MARCO: variants seen among roughly 807,000 people sequenced by gnomAD.
MARCO encodes macrophage receptor with collagenous structure.
In MARCO, 72 loss-of-function variants were observed where a neutral mutation model predicts 70.0. That is an observed-to-expected ratio of 1.03 (90% CI 0.85 to 1.25). The LOEUF is 1.25. Ranked by LOEUF, MARCO falls within the 50% of genes most tolerant of loss-of-function variation. The pLI is 0.00. For missense variants in MARCO, 696 were observed against 659.3 expected, an observed-to-expected ratio of 1.06 and a Z score of -0.61; for synonymous variants, 273 against 243.1, an observed-to-expected ratio of 1.12 and a Z score of -1.14.
intron 12 of MARCO, among the ~76,000 whole-genome samples, chr2:118,986,660 GGAAGGAAGGAAGGA>G (rs1680503204): frequency 3.2e-5 from 1 of 31,078 alleles, no homozygotes; most frequent in South Asian, 1.8e-3. Context: ...AAAGAAGGAA[GGAAGGAAGGAAGGA>G]AAGAAAGAAA....
chr2:118,953,717 G>C (rs1395031930), intron 1 of MARCO, among the ~76,000 whole-genome samples: 1 of 152,204 alleles, frequency 6.6e-6, no homozygotes, highest in Non-Finnish European at 1.5e-5. Context: ...GAAGGACCCA[G>C]TAGACACCCC....
intron 1 of MARCO, among the ~76,000 whole-genome samples, chr2:118,957,332 A>C (rs758538552): frequency 2.0e-5 from 3 of 152,138 alleles, no homozygotes; most frequent in Admixed American, 2.0e-4. Context: ...GAAATACAAA[A>C]GATCATTCAA....
chr2:118,969,103 G>C, intron 1 of MARCO, 57 bp from the exon 2 acceptor site: 3 of 1,262,830 alleles, frequency 2.4e-6, no homozygotes, highest in South Asian at 2.4e-5. Flanking sequence ...GAGCAGGCAG[G>C]GACTTCCTGT....
intron 1 of MARCO, among the ~76,000 whole-genome samples, chr2:118,955,935 C>T (rs1184925414): frequency 1.3e-5 from 2 of 150,678 alleles, no homozygotes; most frequent in Non-Finnish European, 2.9e-5. Context: ...GCCACCACAA[C>T]AAGAACTGCT....
chr2:118,955,273 G>A (rs1393599690), intron 1 of MARCO, among the ~76,000 whole-genome samples: 1 of 152,026 alleles, frequency 6.6e-6, no homozygotes, highest in Non-Finnish European at 1.5e-5. Flanking sequence ...AAAAATTCAG[G>A]AAACTTTGGA....
At chr2:118,982,550 G>A (rs1257510162) in intron 12 of MARCO, 140 bp downstream of exon 12, 2 of 805,026 alleles carry the variant, frequency 2.5e-6, no homozygotes, top group Middle Eastern at 2.7e-4. Flanking sequence ...GGTTATGGGG[G>A]CAGTTGCCCC....
rs1169436186 is a variant in MARCO at position 118,991,855 on chromosome 2, A to G, written c.1187A>G (p.Lys396Arg). Reference sequence around the variant, plus strand: ...GGAGCCCCTGGACAAGCTGGCCAGAAGGGAGACCAGGGAGTGAAAGGTAAG... The same window carrying G: ...GGAGCCCCTGGACAAGCTGGCCAGAGGGGAGACCAGGGAGTGAAAGGTAAG... ...PKGAPGQAGQ[K>R]GDQGVKGSSG... The change falls in exon 14 of 17, where the codon AAG becomes AGG. Residue 396 changes from lysine to arginine, a missense_variant. Physicochemically the swap from Lys to Arg is conservative, Grantham distance 26. Around this residue, in one of 3 missense-constraint regions of MARCO, gnomAD observed 605 missense variants for 537.6 expected, o/e 1.13. Coordinates refer to ENST00000327097, the MANE Select transcript of MARCO (RefSeq NM_006770.4). The G allele has an allele frequency of 1.3e-6, 2 of 1,597,082 alleles. No homozygotes were observed. Among genetic ancestry groups the G allele is most frequent in the Non-Finnish European group, 1.7e-6 (2 of 1,172,914 alleles).
intron 12 of MARCO, among the ~76,000 whole-genome samples, chr2:118,987,006 T>C (rs1680530545): frequency 6.6e-6 from 1 of 152,134 alleles, no homozygotes; most frequent in South Asian, 2.1e-4. Context: ...CACAGCACTC[T>C]GGGTTTGAAA....
intron 12 of MARCO, among the ~76,000 whole-genome samples, chr2:118,986,586 G>GAAAGA (rs1553416602): frequency 1.3e-4 from 6 of 46,668 alleles, no homozygotes; most frequent in South Asian, 7.8e-4. Flanking sequence ...GGGAAGGAAA[G>GAAAGA]AAGAAAGAAA....
intron 1 of MARCO, among the ~76,000 whole-genome samples, chr2:118,946,446 A>AT (rs1553460371): frequency 4.0e-5 from 6 of 151,416 alleles, no homozygotes; most frequent in South Asian, 2.1e-4. Flanking sequence ...TTTAAGATTG[A>AT]TTTTTTTTTC....
intron 1 of MARCO, among the ~76,000 whole-genome samples, chr2:118,961,673 G>A (rs1679949889): frequency 6.6e-6 from 1 of 152,086 alleles, no homozygotes; most frequent in Admixed American, 6.6e-5. Context: ...TAGGTTGCCT[G>A]TTCACTCTGA....
intron 1 of MARCO, among the ~76,000 whole-genome samples, chr2:118,960,971 T>C (rs1243584995): frequency 1.3e-5 from 2 of 152,180 alleles, no homozygotes; most frequent in Non-Finnish European, 2.9e-5. Context: ...CTCCCACATA[T>C]AAGTGAGAAC....
chr2:118,949,955 A>T (rs1447269364), intron 1 of MARCO: 5 of 152,228 alleles, frequency 3.3e-5, no homozygotes, highest in Admixed American at 2.0e-4. Context: ...GGTGGAGGAT[A>T]AACCAAGTAT....
intron 1 of MARCO, among the ~76,000 whole-genome samples, chr2:118,965,980 G>A (rs1238157515): frequency 1.3e-5 from 2 of 152,134 alleles, no homozygotes; most frequent in Admixed American, 1.3e-4. Flanking sequence ...CTAGGGTAGA[G>A]TGAGGACACC....
chr2:118,985,447 G>A (rs1680467450), intron 12 of MARCO, among the ~76,000 whole-genome samples: 1 of 152,084 alleles, frequency 6.6e-6, no homozygotes, highest in Non-Finnish European at 1.5e-5. Context: ...CATCTCTTGA[G>A]AGAGGAGCCA....
At chr2:118,994,248 C>A in intron 16 of MARCO, 139 bp from the exon 17 acceptor site, 1 of 864,084 alleles carries the variant, frequency 1.2e-6, no homozygotes, top group Non-Finnish European at 1.9e-6. Flanking sequence ...GCCATCAGCA[C>A]ATTGGGCCGG....
chr2:118,992,876 C>T (rs749910351), intron 15 of MARCO: 37 of 488,504 alleles, frequency 7.6e-5, no homozygotes, highest in Admixed American at 1.5e-4. Context: ...GTGGTGTATG[C>T]GATTTGCAAA....
intron 1 of MARCO, among the ~76,000 whole-genome samples, chr2:118,956,178 C>T (rs1679833892): frequency 6.6e-6 from 1 of 152,148 alleles, no homozygotes; most frequent in Non-Finnish European, 1.5e-5. Flanking sequence ...CTAAATGCTC[C>T]ACTTAAAAGA....
At chr2:118,958,884 G>A (rs563536062) in intron 1 of MARCO, among the ~76,000 whole-genome samples, 2 of 151,996 alleles carry the variant, frequency 1.3e-5, no homozygotes, top group South Asian at 4.2e-4. Context: ...TATAAAGTGG[G>A]GAAAGGACAC....
Sources: gnomAD v4.1 joint callset for allele counts (sites outside exome capture counted in the v4.1 genomes callset) on GRCh38, gnomAD v4.1.1 for gene constraint, gnomAD v4.1.1 regional missense constraint, MANE v1.5 for transcripts, NCBI Gene and HGNC (gene_info 2026-07-23, HGNC 2026-07-21) for gene names.